Variants in SPIDR observed in about 807,000 individuals in gnomAD.
SPIDR encodes the protein scaffold protein involved in DNA repair.
Under a neutral mutation model 104.6 loss-of-function variants are expected in SPIDR, and 93 were observed. The observed-to-expected ratio is 0.89, with a 90% CI of 0.75 to 1.06. SPIDR has a LOEUF of 1.06. SPIDR is among the 50% of genes least tolerant of loss of function. The pLI is 0.00. For synonymous variants in SPIDR, 431 were observed against 416.9 expected (o/e 1.03, Z -0.41); for missense variants, 1,154 against 1,111.2 (o/e 1.04, Z -0.55).
At chr8:47,613,414 G>A (rs1349630741) in intron 10 of SPIDR, among the ~76,000 whole-genome samples, 1 of 152,066 alleles carries the variant, frequency 6.6e-6, no homozygotes, top group Non-Finnish European at 1.5e-5. Context: ...CATTTGTGTT[G>A]TTTTCACTTT....
At chr8:47,518,527 A>C (rs1294865967) in intron 8 of SPIDR, among the ~76,000 whole-genome samples, 1 of 152,074 alleles carries the variant, frequency 6.6e-6, no homozygotes, top group Non-Finnish European at 1.5e-5. Context: ...GCTGTGCTGA[A>C]GGCATTGGGA....
rs151087498 is a variant in SPIDR, at chr8:47,462,288, A to G, written c.1097+21746A>G. 2.8e-3 allele frequency among the ~76,000 whole-genome samples: 421 copies of G among 152,268 alleles called. 1 individual carries two copies. Among genetic ancestry groups the G allele is most frequent in the African/African-American group, 9.9e-3 (410 of 41,552 alleles). The stretch of plus-strand genomic sequence containing the variant: ...GAACCGTCTTGAGGTTTCTCTGCCA[A>G]CGATACCAACACAGTATTTAGGGTG... On this transcript the variant is annotated intron_variant, in intron 8 of 19. Coordinates refer to ENST00000297423, the MANE Select transcript of SPIDR (RefSeq NM_001080394.4).
chr8:47,656,349 A>G (rs986511404), intron 10 of SPIDR, among the ~76,000 whole-genome samples: 1 of 152,242 alleles, frequency 6.6e-6, no homozygotes, highest in African/African-American at 2.4e-5. Flanking sequence ...AAAGATGGTT[A>G]AAAAATTCAA....
chr8:47,540,542 C>T (rs1406848642), intron 8 of SPIDR, among the ~76,000 whole-genome samples: 3 of 152,200 alleles, frequency 2.0e-5, no homozygotes, highest in African/African-American at 7.2e-5. Flanking sequence ...GGCCAGCCTA[C>T]CAAGGCTGGG....
At chr8:47,624,758 C>CA (rs1197187298) in intron 10 of SPIDR, among the ~76,000 whole-genome samples, 1 of 151,984 alleles carries the variant, frequency 6.6e-6, no homozygotes, top group Non-Finnish European at 1.5e-5. Context: ...CCTTACCAAC[C>CA]AAAAAAAGTC....
At chr8:47,542,734 AC>A in intron 8 of SPIDR, among the ~76,000 whole-genome samples, 1 of 152,340 alleles carries the variant, frequency 6.6e-6, no homozygotes, top group East Asian at 1.9e-4. Context: ...ATCTTGCAGA[AC>A]TGTCATACAA....
intron 19 of SPIDR, among the ~76,000 whole-genome samples, chr8:47,733,082 C>T (rs2154494907): frequency 6.6e-6 from 1 of 152,336 alleles, no homozygotes; most frequent in East Asian, 1.9e-4. Flanking sequence ...ATGTTAATTT[C>T]TCCCACACAT....
At chr8:47,498,519 T>A (rs548205516) in intron 8 of SPIDR, among the ~76,000 whole-genome samples, 3 of 152,154 alleles carry the variant, frequency 2.0e-5, no homozygotes, top group African/African-American at 7.2e-5. Context: ...GCTTTCAGTG[T>A]TTATGACCTT....
intron 16 of SPIDR, among the ~76,000 whole-genome samples, chr8:47,726,016 C>T (rs554819962): frequency 6.6e-6 from 1 of 152,232 alleles, no homozygotes; most frequent in Non-Finnish European, 1.5e-5. Flanking sequence ...GCCACAGTGG[C>T]AGATGTGCTC....
At chr8:47,315,701 G>T (rs1554589009) in intron 5 of SPIDR, among the ~76,000 whole-genome samples, 1 of 152,106 alleles carries the variant, frequency 6.6e-6, no homozygotes, top group Admixed American at 6.6e-5. Context: ...GCATATAAAT[G>T]GAGCAGAACA....
At chr8:47,626,628 C>G (rs890920502) in intron 10 of SPIDR, among the ~76,000 whole-genome samples, 1 of 152,180 alleles carries the variant, frequency 6.6e-6, no homozygotes, top group African/African-American at 2.4e-5. Flanking sequence ...CCAGAAAACA[C>G]ATGAAAAAAT....
At chr8:47,723,897 A>T (rs2083814880) in intron 16 of SPIDR, among the ~76,000 whole-genome samples, 1 of 151,830 alleles carries the variant, frequency 6.6e-6, no homozygotes, top group Non-Finnish European at 1.5e-5. Flanking sequence ...CATCCCTTGT[A>T]ACACTCCTGT....
chr8:47,303,436 CA>C, intron 5 of SPIDR, among the ~76,000 whole-genome samples: 1 of 152,272 alleles, frequency 6.6e-6, no homozygotes, highest in African/African-American at 2.4e-5. Flanking sequence ...ACGCTGGGTG[CA>C]CTGCACCCAG....
chr8:47,588,085 A>ATATATT (rs2060511354), intron 8 of SPIDR, among the ~76,000 whole-genome samples: 1 of 103,242 alleles, frequency 9.7e-6, no homozygotes, highest in African/African-American at 3.8e-5. Flanking sequence ...ATATATATAT[A>ATATATT]TACACGTATG....
At chr8:47,388,950 G>A (rs1368299148) in intron 5 of SPIDR, among the ~76,000 whole-genome samples, 1 of 152,144 alleles carries the variant, frequency 6.6e-6, no homozygotes, top group Non-Finnish European at 1.5e-5. Flanking sequence ...TTGTTGACTG[G>A]CTTCATAAAA....
Position 47,705,131 on chromosome 8 carries a change from G to C in SPIDR, c.1977+3116G>C, listed in dbSNP as rs1043634469. On this transcript the variant is annotated intron_variant, in intron 14 of 19. Coordinates refer to ENST00000297423, the MANE Select transcript of SPIDR (RefSeq NM_001080394.4). The stretch of plus-strand genomic sequence containing the variant: ...ACCGAGGTTGAAAGTAAAGAAAGCA[G>C]GTGTCAAAATGCTTGCACCAAAGCC... Among the ~76,000 whole-genome samples the C allele has an allele frequency of 2.6e-5, 4 of 152,346 alleles. No homozygotes were observed. In the South Asian group the frequency reaches 8.3e-4, roughly 32 times the overall value.
At chr8:47,390,209 C>G (rs1554650868) in intron 5 of SPIDR, among the ~76,000 whole-genome samples, 1 of 152,120 alleles carries the variant, frequency 6.6e-6, no homozygotes, top group Non-Finnish European at 1.5e-5. Context: ...AGAGCCATCT[C>G]CCAGTTGCCA....
rs189155678 is a variant in SPIDR, at chr8:47,477,747, G to A, written c.1097+37205G>A. 3.1e-3 allele frequency among the ~76,000 whole-genome samples: 466 copies of A among 152,292 alleles called. 1 individual carries two copies. Among genetic ancestry groups the A allele is most frequent in the African/African-American group, 0.011 (455 of 41,570 alleles). On this transcript the variant is annotated intron_variant, in intron 8 of 19. Transcript: ENST00000297423. ...ACTTTCATCCTTTGTTTCATTCAGT[G>A]AATATCTTTAGTGTGGAGTGCTGAG...
At chr8:47,406,417 G>A (rs1216949642) in intron 6 of SPIDR, among the ~76,000 whole-genome samples, 1 of 152,140 alleles carries the variant, frequency 6.6e-6, no homozygotes, top group Non-Finnish European at 1.5e-5. Flanking sequence ...TAAAGGGGAA[G>A]CATAAACGAG....
Sources: allele counts gnomAD v4.1 joint callset (sites outside exome capture counted in the v4.1 genomes callset), GRCh38; gene constraint gnomAD v4.1.1; transcripts MANE v1.5; gene names NCBI Gene and HGNC (gene_info 2026-07-23, HGNC 2026-07-21).